Variants in NADK observed in about 807,000 individuals in gnomAD.
NADK encodes the protein NAD kinase.
In NADK, 22 loss-of-function variants were observed where a neutral mutation model predicts 49.8. That is an observed-to-expected ratio of 0.44 (90% CI 0.32 to 0.63). The LOEUF (loss-of-function observed/expected upper bound fraction) is 0.63, where lower values mean the gene tolerates loss of function less well. Ranked by LOEUF, NADK falls within the 30% of genes least tolerant of loss-of-function variation. The pLI is 0.06. For missense variants in NADK, 438 were observed against 609.4 expected (o/e 0.72, Z 2.96); for synonymous variants, 268 against 253.7 (o/e 1.06, Z -0.54).
intron 2 of NADK, among the ~76,000 whole-genome samples, chr1:1,762,573 T>G (rs1645758858): frequency 6.6e-6 from 1 of 152,020 alleles, no homozygotes; most frequent in South Asian, 2.1e-4. Context: ...CTGGCCAACA[T>G]GGTGAAACCC....
chr1:1,778,651 G>A (rs1481727299), upstream of NADK: 1 of 151,908 alleles, frequency 6.6e-6, no homozygotes, highest in African/African-American at 2.4e-5. This position sits in a 1 kb window ranked among gnomAD's most constrained non-coding sequence, Gnocchi z 4.9. Context: ...AGGGAGTGGA[G>A]GCGGGCAGCG....
chr1:1,756,236 T>A (rs953227765), intron 6 of NADK, 22 bp downstream of exon 6: 2 of 1,608,392 alleles, frequency 1.2e-6, no homozygotes, highest in Non-Finnish European at 1.7e-6. Flanking sequence ...CTGGTGTGGG[T>A]CTGGAAATGT....
chr1:1,763,633 AAAG>A lies in NADK; in HGVS notation c.179+1592_179+1594del, dbSNP rs566975929. Among the ~76,000 whole-genome samples, 184 of 137,356 alleles carry A rather than the reference AAAG, an allele frequency of 1.3e-3. 8 individuals carry two copies. The highest frequency in any genetic ancestry group is 1.4e-3 in the Admixed American group (17 of 12,416). 90.1% of individuals were successfully genotyped at this position (137,356 alleles called of 152,430 possible). The stretch of plus-strand genomic sequence containing the variant: ...GACTCCATCTCAAAAAAAAAAAAAA[AAAG>A]AAGAAGAAAACGAAGTACATTACAA... On this transcript the variant is annotated intron_variant, in intron 2 of 11. Coordinates refer to ENST00000341426, the MANE Select transcript of NADK (RefSeq NM_023018.5).
chr1:1,753,130 T>C, intron 11 of NADK, 70 bp from the exon 12 acceptor site: 1 of 1,497,702 alleles, frequency 6.7e-7, no homozygotes, highest in Non-Finnish European at 9.0e-7. Flanking sequence ...GAACCCTTCC[T>C]CCCTCCCTCC....
intron 2 of NADK, among the ~76,000 whole-genome samples, chr1:1,762,627 T>G (rs1432706293): frequency 1.3e-5 from 2 of 152,040 alleles, no homozygotes; most frequent in Non-Finnish European, 2.9e-5. Flanking sequence ...CCTGGTGGCG[T>G]GTGCCTGCAG....
At chr1:1,777,680 C>T (rs116018620) in intron 1 of NADK, among the ~76,000 whole-genome samples, 8,019 of 152,002 alleles carry the variant, frequency 0.053, 310 homozygotes, top group Middle Eastern at 0.11. Context: ...CGGAGCTGGG[C>T]ACGCCCTGTT....
chr1:1,759,956 G>A, intron 3 of NADK: 1 of 1,533,522 alleles, frequency 6.5e-7, no homozygotes, highest in South Asian at 1.2e-5. Flanking sequence ...GAGAGGCCCG[G>A]TGGGGTGCCA....
rs757913387 is a variant in NADK, at chr1:1,765,256, G to A, written c.151C>T (p.Pro51Ser). 5 of 1,611,684 alleles carry A rather than the reference G, an allele frequency of 3.1e-6. No homozygotes were observed. Among genetic ancestry groups the A allele is most frequent in the Non-Finnish European group, 4.2e-6 (5 of 1,178,856 alleles). ...AACTCCTTGGTGCTCCCCAGGGCGGGCGAGGCAGACAGGCTGCGAGACTTG... is the reference window on the plus strand; with the variant it reads ...AACTCCTTGGTGCTCCCCAGGGCGGACGAGGCAGACAGGCTGCGAGACTTG... ...RAKSRSLSAS[P>S]ALGSTKEFRR... The change falls in exon 2 of 12, where the codon CCC becomes TCC. Residue 51 changes from proline to serine, a missense_variant. By Grantham distance (74) the Pro-to-Ser change is moderately conservative. Coordinates refer to ENST00000341426, the MANE Select transcript of NADK (RefSeq NM_023018.5).
rs748616734 is a variant in NADK at position 1,754,507 on chromosome 1, C to G, written c.843+37G>C. The G allele has an allele frequency of 2.0e-5, 27 of 1,327,328 alleles. No homozygotes were observed. The South Asian group carries it at 3.3e-4, about 16-fold the overall frequency. 82.2% of individuals were successfully genotyped at this position (1,327,328 alleles called of 1,614,324 possible). A position where few individuals can be genotyped will look rare whatever the true frequency, so the allele number is the denominator to read the frequency against. ...TCCCTGGGACCGAAGTCGCCCCACC[C>G]TGGGCCCCTCACCGAGGCCGAGGCG... On this transcript the variant is annotated intron_variant, in intron 8 of 11. Coordinates refer to ENST00000341426, the MANE Select transcript of NADK (RefSeq NM_023018.5). The surrounding 1 kb of genome is among the most constrained non-coding windows in gnomAD (Gnocchi z 4.3).
Position 1,752,937 on chromosome 1 carries a change from G to T in NADK, c.1308C>A (p.Phe436Leu), listed in dbSNP as rs144140745. ...HWNVRKKQAH[F>L]EEEEEEEEEG ...CCTCCTCCTCCTCCTCCTCCTCCTCGAAGTGGGCTTGCTTCTTCCGGACGT... is the reference window on the plus strand; with the variant it reads ...CCTCCTCCTCCTCCTCCTCCTCCTCTAAGTGGGCTTGCTTCTTCCGGACGT... Residue 436 changes from phenylalanine (F) to leucine (L), a missense_variant, in exon 12 of 12, where the codon TTC becomes TTA. Transcript: ENST00000341426. 2.6e-6 allele frequency: 4 copies of T among 1,542,820 alleles called. No individual in the cohort carries two copies. In the African/African-American group the frequency reaches 5.5e-5, roughly 21 times the overall value.
At position 1,753,552 on chromosome 1, in the gene NADK, G is replaced by T; in HGVS notation, c.1184+15C>A. The T allele has an allele frequency of 6.2e-7, 1 of 1,606,288 alleles. No homozygotes were observed. Among genetic ancestry groups the T allele is most frequent in the Non-Finnish European group, 8.5e-7 (1 of 1,175,298 alleles). On this transcript the variant is annotated intron_variant, in intron 11 of 11. Coordinates refer to ENST00000341426, the MANE Select transcript of NADK (RefSeq NM_023018.5). ...AGGTTGGCAGGCAGCGCCCAGCCCG[G>T]CATGCAGCCCACACCTGTCTCCATG... is the stretch of plus-strand genomic sequence containing the variant.
Position 1,752,605 on chromosome 1 carries a change from T to C in NADK, c.*299A>G. On this transcript the variant is annotated 3_prime_UTR_variant, in exon 12 of 12. Coordinates refer to ENST00000341426, the MANE Select transcript of NADK (RefSeq NM_023018.5). ...TTCAACCGACTGATTTGCGGAAAAA[T>C]ATCCTGGCATGGAAATTGCGGCAGC... 3.1e-6 allele frequency: 1 copy of C among 317,732 alleles called. No individual in the cohort carries two copies. The highest frequency in any genetic ancestry group is 5.8e-6 in the Non-Finnish European group (1 of 172,878). The allele number at this position is 317,732 out of a possible 1,614,324, so 19.7% of individuals were successfully genotyped here. A position where few individuals can be genotyped will look rare whatever the true frequency, so the allele number is the denominator to read the frequency against.
intron 3 of NADK, chr1:1,759,608 G>T: frequency 2.7e-6 from 3 of 1,130,222 alleles, no homozygotes; most frequent in Non-Finnish European, 2.5e-6. Flanking sequence ...GGGAAGCCCT[G>T]CCCCTCCACA....
intron 1 of NADK, among the ~76,000 whole-genome samples, chr1:1,775,692 C>A (rs1027906434): frequency 1.3e-5 from 2 of 152,330 alleles, no homozygotes; most frequent in Non-Finnish European, 2.9e-5. Context: ...TTCAGTTGCA[C>A]AAAGTGTGCG....
chr1:1,774,308 G>A (rs6603809), intron 1 of NADK, among the ~76,000 whole-genome samples: 37,655 of 151,844 alleles, frequency 0.25, 4,880 homozygotes, highest in African/African-American at 0.27. Context: ...TCGGCTCACC[G>A]CAAACTCTGC....
chr1:1,754,572 T>C lies in NADK; in HGVS notation c.815A>G (p.Asp272Gly), dbSNP rs1188092589. The C allele has an allele frequency of 6.2e-7, 1 of 1,613,032 alleles. No homozygotes were observed. The highest frequency in any genetic ancestry group is 8.5e-7 in the Non-Finnish European group (1 of 1,179,636). The stretch of plus-strand genomic sequence containing the variant: ...GTACTGCATGGCCTGCTTCCCGACA[T>C]CCATGTCCAGGCCTGCAGCCTGCGA... Reference protein sequence around the residue: ...NGSQAAGLDMDVGKQAMQYQV... With the variant: ...NGSQAAGLDMGVGKQAMQYQV... Residue 272 changes from aspartate (D) to glycine (G), a missense_variant, in exon 8 of 12, where the codon GAT becomes GGT. Coordinates refer to ENST00000341426, the MANE Select transcript of NADK (RefSeq NM_023018.5). The surrounding 1 kb of genome is among the most constrained non-coding windows in gnomAD (Gnocchi z 4.3).
chr1:1,755,282 G>A, intron 7 of NADK, 92 bp downstream of exon 7: 2 of 861,062 alleles, frequency 2.3e-6, no homozygotes, highest in Non-Finnish European at 3.8e-6. Flanking sequence ...GTTGCTCCAT[G>A]CATCATTAAA....
intron 1 of NADK, among the ~76,000 whole-genome samples, chr1:1,768,182 A>G (rs1396400871): frequency 6.6e-6 from 1 of 151,536 alleles, no homozygotes; most frequent in Non-Finnish European, 1.5e-5. Context: ...AAAAAAAAAA[A>G]AAAAAGAAAA....
At chr1:1,762,201 G>A (rs976971567) in intron 2 of NADK, among the ~76,000 whole-genome samples, 166 bp from the exon 3 acceptor site, 1 of 152,234 alleles carries the variant, frequency 6.6e-6, no homozygotes, top group Non-Finnish European at 1.5e-5. Flanking sequence ...TTCTGCCCAG[G>A]TCCATGGCTG....
Sources: gnomAD v4.1 joint callset for allele counts (sites outside exome capture counted in the v4.1 genomes callset) on GRCh38, gnomAD v4.1.1 for gene constraint, Gnocchi (gnomAD v3.1) non-coding constraint, MANE v1.5 for transcripts, NCBI Gene and HGNC (gene_info 2026-07-23, HGNC 2026-07-21) for gene names.